Variants in OTOGL observed in about 807,000 individuals in gnomAD.
The protein encoded by OTOGL is otogelin like.
Under a neutral mutation model 318.5 loss-of-function variants are expected in OTOGL, and 285 were observed. The ratio of observed to expected loss-of-function variants is 0.89; its 90% CI spans 0.81 to 0.99. The LOEUF is 0.99. Among genes scored for constraint, OTOGL ranks in the 50% least tolerant of loss-of-function variants. The pLI is 0.00. For synonymous variants in OTOGL, 987 were observed against 936.5 expected (o/e 1.05, Z -0.99); for missense variants, 2,899 against 2,845.6 (o/e 1.02, Z -0.43).
intron 11 of OTOGL, among the ~76,000 whole-genome samples, chr12:80,241,506 T>G (rs1299524711): frequency 6.6e-6 from 1 of 152,136 alleles, no homozygotes; most frequent in Non-Finnish European, 1.5e-5. Flanking sequence ...TAGGCCATAG[T>G]CCTTATTTAG....
At chr12:80,348,248 T>A (rs1041768442) in intron 44 of OTOGL, among the ~76,000 whole-genome samples, 62 of 152,322 alleles carry the variant, frequency 4.1e-4, no homozygotes, top group African/African-American at 1.5e-3. Context: ...TTTTTATGGT[T>A]TTAGGTCTTA....
intron 1 of OTOGL, among the ~76,000 whole-genome samples, chr12:80,104,613 T>C (rs1208933223): frequency 6.6e-6 from 1 of 151,962 alleles, no homozygotes; most frequent in African/African-American, 2.4e-5. Context: ...TGAGAGCATG[T>C]CAGGGGGGTG....
At chr12:80,106,713 T>A (rs930502515) in intron 1 of OTOGL, among the ~76,000 whole-genome samples, 13 of 152,198 alleles carry the variant, frequency 8.5e-5, no homozygotes, top group Non-Finnish European at 1.8e-4. Flanking sequence ...TTCCATCTTT[T>A]ATAACTGCTT....
chr12:80,340,048 A>C (rs752062776), intron 43 of OTOGL, among the ~76,000 whole-genome samples: 1 of 152,200 alleles, frequency 6.6e-6, no homozygotes, highest in Non-Finnish European at 1.5e-5. Context: ...TTTGGATTAC[A>C]TGTGAAAGTT....
rs1464715918 is a variant in OTOGL at position 80,249,456 on chromosome 12, T to A, written c.1053-2237T>A. Among the ~76,000 whole-genome samples, 5 of 151,022 alleles carry A rather than the reference T, an allele frequency of 3.3e-5. No individual in the cohort carries two copies. In the East Asian group the frequency reaches 9.8e-4, roughly 30 times the overall value. ...GTGTCAGTGTGCCCCTGCTGGGGGG[T>A]GCCTCCCAGTTAGGCTGCTCGGGGG... On this transcript the variant is annotated intron_variant, in intron 11 of 58. Coordinates refer to ENST00000547103, the MANE Select transcript of OTOGL (RefSeq NM_001378609.3).
intron 1 of OTOGL, among the ~76,000 whole-genome samples, chr12:80,184,515 T>C (rs531588789): frequency 2.0e-5 from 3 of 152,164 alleles, no homozygotes; most frequent in African/African-American, 7.2e-5. Context: ...AGACAAAAAT[T>C]GTTTTCTAAA....
rs765610913 is a variant in OTOGL, at chr12:80,367,753, GT to G, written c.6510+15del. 3 of 1,352,434 alleles carry G rather than the reference GT, an allele frequency of 2.2e-6. No individual in the cohort carries two copies. Among genetic ancestry groups the G allele is most frequent in the Non-Finnish European group, 1.9e-6 (2 of 1,031,708 alleles). 83.8% of individuals were successfully genotyped at this position (1,352,434 alleles called of 1,614,324 possible). On this transcript the variant is annotated intron_variant, in intron 54 of 58. Coordinates refer to ENST00000547103, the MANE Select transcript of OTOGL (RefSeq NM_001378609.3). ...AAATGTGATGTTGTAAGTATTCCTT[GT>G]AATTTATTCTGGTGAGAGTTAATGC... is the stretch of plus-strand genomic sequence containing the variant.
intron 52 of OTOGL, among the ~76,000 whole-genome samples, chr12:80,360,248 G>C (rs1245380867): frequency 6.6e-6 from 1 of 152,034 alleles, no homozygotes; most frequent in African/African-American, 2.4e-5. Context: ...ACATTAAAAC[G>C]TAAATTTCTT....
At chr12:80,376,117 CAGAT>C (rs1223381506) in intron 57 of OTOGL, among the ~76,000 whole-genome samples, 2 of 152,162 alleles carry the variant, frequency 1.3e-5, no homozygotes, top group African/African-American at 2.4e-5. Flanking sequence ...GCTGAGAAGT[CAGAT>C]AGGGTGAGAA....
chr12:80,262,353 G>A (rs1305454935), intron 19 of OTOGL, among the ~76,000 whole-genome samples: 1 of 151,594 alleles, frequency 6.6e-6, no homozygotes, highest in Non-Finnish European at 1.5e-5. Flanking sequence ...TATTTTAGAT[G>A]TTTAGAAATC....
At chr12:80,363,495 GC>G (rs1194072980) in intron 52 of OTOGL, among the ~76,000 whole-genome samples, 2 of 152,070 alleles carry the variant, frequency 1.3e-5, no homozygotes, top group African/African-American at 4.8e-5. Context: ...TGAAAGACTG[GC>G]CTTTTGTAAC....
In OTOGL at chr12:80,243,595, T is replaced by C. The variant is rs535822656; in HGVS notation, c.1052+4156T>C. ...CTTGAGTTTTCCAAATTACGTGTGA[T>C]ATTGGAGCAAAAATTCTGACACTCT... On this transcript the variant is annotated intron_variant, in intron 11 of 58. Coordinates refer to ENST00000547103, the MANE Select transcript of OTOGL (RefSeq NM_001378609.3). 1.8e-4 allele frequency among the ~76,000 whole-genome samples: 27 copies of C among 151,762 alleles called. 1 individual carries two copies. In the South Asian group the frequency reaches 5.6e-3, roughly 32 times the overall value.
intron 7 of OTOGL, among the ~76,000 whole-genome samples, chr12:80,228,299 C>T (rs891637236): frequency 4.0e-5 from 6 of 151,800 alleles, no homozygotes; most frequent in African/African-American, 7.2e-5. Flanking sequence ...AAAAATTAGC[C>T]GGTTTGGTGG....
chr12:80,306,505 T>G (rs1049422731), intron 29 of OTOGL, among the ~76,000 whole-genome samples: 8 of 152,216 alleles, frequency 5.3e-5, no homozygotes, highest in Non-Finnish European at 1.2e-4. Flanking sequence ...GTTACTTCTC[T>G]ACTTTGCCTA....
intron 1 of OTOGL, among the ~76,000 whole-genome samples, chr12:80,128,683 T>C (rs958712387): frequency 2.5e-4 from 38 of 152,200 alleles, no homozygotes; most frequent in African/African-American, 7.5e-4. Context: ...TGTGGTAGGC[T>C]CCACCTAGTT....
intron 24 of OTOGL, among the ~76,000 whole-genome samples, chr12:80,277,927 T>C (rs1883929399): frequency 6.6e-6 from 1 of 151,438 alleles, no homozygotes; most frequent in Non-Finnish European, 1.5e-5. Flanking sequence ...ACTTAGTGAA[T>C]AGCAAAAAGG....
chr12:80,347,767 C>T (rs1170410645), intron 44 of OTOGL, among the ~76,000 whole-genome samples: 1 of 152,166 alleles, frequency 6.6e-6, no homozygotes, highest in Non-Finnish European at 1.5e-5. Context: ...TCTTTCTCCA[C>T]ATCCTCTCCA....
chr12:80,158,893 G>T (rs1343303951), intron 1 of OTOGL, among the ~76,000 whole-genome samples: 1 of 151,996 alleles, frequency 6.6e-6, no homozygotes, highest in Non-Finnish European at 1.5e-5. Flanking sequence ...GTGAGAGTGG[G>T]CATCCTTATC....
intron 24 of OTOGL, among the ~76,000 whole-genome samples, chr12:80,273,860 T>C (rs567385174): frequency 2.6e-5 from 4 of 152,084 alleles, no homozygotes; most frequent in South Asian, 4.1e-4. Flanking sequence ...AACTTTTTCA[T>C]TATCATTATA....
Sources: gnomAD v4.1 joint callset for allele counts (sites outside exome capture counted in the v4.1 genomes callset) on GRCh38, gnomAD v4.1.1 for gene constraint, MANE v1.5 for transcripts, NCBI Gene and HGNC (gene_info 2026-07-23, HGNC 2026-07-21) for gene names.